Variants in MEG3 observed in about 807,000 individuals in gnomAD.
MEG3 encodes Very putative protein from MEG3 locus.
intron 2 of MEG3, among the ~76,000 whole-genome samples, chr14:100,844,069 C>T (rs539101198): frequency 2.0e-4 from 30 of 152,146 alleles, no homozygotes; most frequent in Non-Finnish European, 1.0e-4. Context: ...TGACCTCAGG[C>T]GATCCACCTG....
Position 100,837,954 on chromosome 14 carries a change from G to T in MEG3, n.3045+1654G>T, listed in dbSNP as rs1412493749. Among the ~76,000 whole-genome samples, 8 of 152,060 alleles carry T rather than the reference G, an allele frequency of 5.3e-5. No homozygotes were observed. In the East Asian group the frequency reaches 9.7e-4, roughly 18 times the overall value. On this transcript the variant is annotated intron_variant and non_coding_transcript_variant, in intron 2 of 3. Transcript: ENST00000398461. This position sits in a 1 kb window ranked among gnomAD's most constrained non-coding sequence, Gnocchi z 5.8. ...TGCCCAGGGCTAAACCCAGGGAGGG[G>T]GCCCAGGAAGGCTCTGCCCCGTGAC...
intron 3 of MEG3, chr14:100,851,970 A>T: frequency 5.2e-6 from 1 of 191,780 alleles, no homozygotes; most frequent in Non-Finnish European, 1.1e-5. Context: ...TCCCTTGTTG[A>T]CCTCTCAATT....
intron 2 of MEG3, among the ~76,000 whole-genome samples, chr14:100,838,712 A>G (rs879564229): frequency 1.3e-5 from 2 of 152,012 alleles, no homozygotes; most frequent in African/African-American, 4.8e-5. Flanking sequence ...GGGTGGGTGC[A>G]AGTGTCAGGG....
At chr14:100,852,469 G>A (rs2038111232), upstream of MEG3, 1 of 527,164 alleles carries the variant, frequency 1.9e-6, no homozygotes, top group Non-Finnish European at 3.9e-6. Context: ...TGGTGCTGGG[G>A]CCTCAGGGGT....
upstream of MEG3, chr14:100,855,521 G>A (rs2038213283): frequency 2.0e-5 from 3 of 152,194 alleles, no homozygotes; most frequent in South Asian, 6.2e-4. Flanking sequence ...TCCCACCCAT[G>A]AGCGGAGAAG....
At chr14:100,838,829 A>G (rs1386135523) in intron 2 of MEG3, among the ~76,000 whole-genome samples, 2 of 152,018 alleles carry the variant, frequency 1.3e-5, no homozygotes, top group African/African-American at 2.4e-5. Flanking sequence ...GCTCGTGGAA[A>G]GGAAGAACAT....
chr14:100,860,408 C>T, intron 1 of MEG3: 1 of 333,046 alleles, frequency 3.0e-6, no homozygotes, highest in South Asian at 2.2e-5. Context: ...CAGAGGTTGC[C>T]AGTTGTAGGT....
chr14:100,859,325 G>C (rs551832801), exon 1 of MEG3: 1 of 152,210 alleles, frequency 6.6e-6, no homozygotes, highest in African/African-American at 2.4e-5. Context: ...GGGACAGGCA[G>C]TCACTGGTGG....
intron 3 of MEG3, chr14:100,850,447 A>T (rs148173154): frequency 2.2e-4 from 34 of 152,272 alleles, no homozygotes; most frequent in African/African-American, 7.9e-4. Context: ...AAAAAAATAC[A>T]AAAATTATGG....
At chr14:100,841,568 C>T (rs918411893) in intron 2 of MEG3, among the ~76,000 whole-genome samples, 3 of 152,202 alleles carry the variant, frequency 2.0e-5, no homozygotes, top group Admixed American at 1.3e-4. Context: ...CGAGGTTGCA[C>T]GGTGAGCCGG....
exon 1 of MEG3, chr14:100,859,271 G>A (rs1323968830): frequency 6.6e-6 from 1 of 152,238 alleles, no homozygotes; most frequent in Non-Finnish European, 1.5e-5. Flanking sequence ...CTGAACTGGG[G>A]ATGGGTCTCT....
At chr14:100,851,230 A>G (rs544753346) in intron 3 of MEG3, 1 of 152,446 alleles carries the variant, frequency 6.6e-6, no homozygotes, top group Admixed American at 6.5e-5. Flanking sequence ...TGAGCCCCGC[A>G]GAAGGTTGCA....
chr14:100,826,631 G>T (rs972131981), intron 1 of MEG3, among the ~76,000 whole-genome samples: 6 of 152,078 alleles, frequency 3.9e-5, no homozygotes, highest in Non-Finnish European at 5.9e-5. Context: ...TGCCTTCTGC[G>T]TGCCCCATGA....
At chr14:100,835,900 C>T in intron 1 of MEG3, 5 of 294,628 alleles carry the variant, frequency 1.7e-5, no homozygotes, top group South Asian at 1.5e-4. Context: ...CCCCCGCCTG[C>T]CTTTGCCTCC....
chr14:100,859,111 G>A (rs1267584714), exon 1 of MEG3: 4 of 152,264 alleles, frequency 2.6e-5, no homozygotes, highest in African/African-American at 7.2e-5. Flanking sequence ...CCTGCCTCCT[G>A]CACTAGTAGG....
At chr14:100,833,595 C>T (rs1221267905), downstream of MEG3, 1 of 152,298 alleles carries the variant, frequency 6.6e-6, no homozygotes, top group African/African-American at 2.4e-5. Flanking sequence ...ATATCTTCAC[C>T]CACATGTCCT....
chr14:100,852,250 G>T, upstream of MEG3: 1 of 477,646 alleles, frequency 2.1e-6, no homozygotes, highest in East Asian at 5.9e-5. Flanking sequence ...GGGGTGCTCA[G>T]GAATCAAAGC....
intron 2 of MEG3, among the ~76,000 whole-genome samples, chr14:100,838,502 G>A (rs1429681846): frequency 1.3e-5 from 2 of 152,230 alleles, no homozygotes; most frequent in African/African-American, 2.4e-5. Context: ...AGTAAGTGCT[G>A]AAAGACATGA....
Position 100,845,547 on chromosome 14 carries a change from G to A in MEG3, n.3121+14G>A, listed in dbSNP as rs1394314381. ...CAGCTCGAAATCGTAAGTGGCTGGAGTGTAAAGAACACACATGTGGCCTTG... is the reference window on the plus strand; with the variant it reads ...CAGCTCGAAATCGTAAGTGGCTGGAATGTAAAGAACACACATGTGGCCTTG... On this transcript the variant is annotated intron_variant and non_coding_transcript_variant, in intron 3 of 3. Coordinates refer to the MEG3 transcript ENST00000398461. The surrounding 1 kb of genome is among the most constrained non-coding windows in gnomAD (Gnocchi z 5.2). 2.2e-6 allele frequency: 1 copy of A among 456,340 alleles called. No individual in the cohort carries two copies. Among genetic ancestry groups the A allele is most frequent in the Admixed American group, 2.4e-5 (1 of 42,538 alleles). 28.3% of individuals were successfully genotyped at this position (456,340 alleles called of 1,614,324 possible). A position where few individuals can be genotyped will look rare whatever the true frequency, so the allele number is the denominator to read the frequency against.
Sources: gnomAD v4.1 joint callset for allele counts (sites outside exome capture counted in the v4.1 genomes callset) on GRCh38, gnomAD v4.1.1 for gene constraint, Gnocchi (gnomAD v3.1) non-coding constraint, MANE v1.5 for transcripts, NCBI Gene and HGNC (gene_info 2026-07-23, HGNC 2026-07-21) for gene names.